TMPRSS11A: variants seen among roughly 807,000 people sequenced by gnomAD.
The protein encoded by TMPRSS11A is transmembrane serine protease 11A, also known as transmembrane protease serine 11A.
Under a neutral mutation model 58.9 loss-of-function variants are expected in TMPRSS11A, and 53 were observed. That is an observed-to-expected ratio of 0.90 (90% CI 0.72 to 1.13). TMPRSS11A has a LOEUF of 1.13. Ranked by LOEUF, TMPRSS11A falls within the 50% of genes most tolerant of loss-of-function variation. The pLI, the probability that TMPRSS11A is intolerant of heterozygous loss-of-function variation, is 0.00. For missense variants in TMPRSS11A, 493 were observed against 499.3 expected (o/e 0.99, Z 0.12); for synonymous variants, 167 against 169.8 (o/e 0.98, Z 0.13).
chr4:67,924,231 G>A (rs1487242131), intron 5 of TMPRSS11A, 65 bp from the exon 6 acceptor site: 2 of 1,346,044 alleles, frequency 1.5e-6, no homozygotes, highest in Admixed American at 3.4e-5. Context: ...CAATGACCAG[G>A]AATAATCAGA....
At chr4:67,957,283 G>C (rs757125267) in intron 1 of TMPRSS11A, among the ~76,000 whole-genome samples, 11 of 152,184 alleles carry the variant, frequency 7.2e-5, no homozygotes, top group Non-Finnish European at 1.3e-4. Flanking sequence ...GGAACAGTTT[G>C]GAGGGCTGAG....
Position 67,924,141 on chromosome 4 carries a change from T to C in TMPRSS11A, c.507A>G (p.Leu169=). 1 of 1,613,444 alleles carries C rather than the reference T, an allele frequency of 6.2e-7. No individual in the cohort carries two copies. Among genetic ancestry groups the C allele is most frequent in the Non-Finnish European group, 8.5e-7 (1 of 1,179,518 alleles). ...VNAMSSSTGE[L]TVQASCGKRV... ...AACTTGACTTACTTGCTTGGACAGT[T>C]AACTCCCCTGTTGATGAGCTCATTG... The change falls in exon 6 of 10, where the codon TTA becomes TTG. Residue 169 remains leucine, a synonymous_variant. Coordinates refer to ENST00000508048, the MANE Select transcript of TMPRSS11A (RefSeq NM_001114387.2).
At chr4:67,932,107 A>G in intron 3 of TMPRSS11A, 47 bp from the exon 4 acceptor site, 1 of 1,089,006 alleles carries the variant, frequency 9.2e-7, no homozygotes, top group Non-Finnish European at 1.4e-6. Context: ...TATATTTTAT[A>G]ATAGGAATAT....
In TMPRSS11A at chr4:67,914,727, T is replaced by A. The variant is rs764542319; in HGVS notation, c.956A>T (p.Glu319Val). 1.4e-5 allele frequency: 23 copies of A among 1,612,102 alleles called. No homozygotes were observed. The highest frequency in any genetic ancestry group is 1.9e-5 in the Non-Finnish European group (22 of 1,179,044). ...TGFGALYYGGESQNDLREARV... is the reference protein window; with the variant it reads ...TGFGALYYGGVSQNDLREARV... ...GGCTTCTCGGAGATCATTTTGGGAT[T>A]CCCCTTAAGGAAAAATAGAGTTATT... Residue 319 changes from glutamate (E) to valine (V), a missense_variant, in exon 9 of 10, where the codon GAA becomes GTA. Coordinates refer to ENST00000508048, the MANE Select transcript of TMPRSS11A (RefSeq NM_001114387.2).
chr4:67,913,787 A>G (rs1720068707), intron 9 of TMPRSS11A, among the ~76,000 whole-genome samples: 1 of 152,240 alleles, frequency 6.6e-6, no homozygotes, highest in Admixed American at 6.5e-5. Context: ...CACATGTGGT[A>G]CAGTTTGTGG....
chr4:67,946,475 AC>A lies in TMPRSS11A; in HGVS notation c.107del (p.Gly36ValfsTer7). 6.2e-7 allele frequency: 1 copy of A among 1,606,148 alleles called. No individual in the cohort carries two copies. The highest frequency in any genetic ancestry group is 8.5e-7 in the Non-Finnish European group (1 of 1,176,372). Reference protein sequence around the residue: ...LSLTVVAVTIGLLVHFLVFDQ... With the variant: ...LSLTVVAVTIXLLVHFLVFDQ... Reference sequence around the variant, plus strand: ...CAAATACTAGGAAGTGAACCAGGAGACCTATGGTCACTGCCACCACTGTCAG... The same window carrying A: ...CAAATACTAGGAAGTGAACCAGGAGACTATGGTCACTGCCACCACTGTCAG... On this transcript the variant is annotated frameshift_variant, in exon 2 of 10. Coordinates refer to ENST00000508048, the MANE Select transcript of TMPRSS11A (RefSeq NM_001114387.2). LOFTEE classifies it high-confidence loss of function.
At chr4:67,952,992 G>C (rs578020089) in intron 1 of TMPRSS11A, among the ~76,000 whole-genome samples, 45 of 152,246 alleles carry the variant, frequency 3.0e-4, no homozygotes, top group African/African-American at 9.6e-4. Context: ...ACAGGGGTAG[G>C]GGGGGTGGTT....
At chr4:67,949,934 A>G (rs1032523491) in intron 1 of TMPRSS11A, among the ~76,000 whole-genome samples, 2 of 152,234 alleles carry the variant, frequency 1.3e-5, no homozygotes, top group Admixed American at 6.5e-5. Flanking sequence ...TATTTGAAAA[A>G]GAAATACACT....
intron 1 of TMPRSS11A, among the ~76,000 whole-genome samples, chr4:67,961,457 C>G (rs1485328229): frequency 7.5e-6 from 1 of 133,188 alleles, no homozygotes; most frequent in Non-Finnish European, 1.6e-5. Context: ...CCTTTCTTTT[C>G]TTTTCTTTCC....
At chr4:67,924,990 T>G (rs1409793422) in intron 5 of TMPRSS11A, among the ~76,000 whole-genome samples, 5 of 137,664 alleles carry the variant, frequency 3.6e-5, no homozygotes, top group Non-Finnish European at 8.0e-5. Context: ...TTTTTTTTTT[T>G]GGTTAAAGGG....
chr4:67,923,979 GA>G (rs912219514), intron 6 of TMPRSS11A, 148 bp downstream of exon 6: 61 of 761,782 alleles, frequency 8.0e-5, no homozygotes, highest in African/African-American at 5.3e-4. Flanking sequence ...CCATGAGTTA[GA>G]AAAAAAATGT....
chr4:67,944,751 AG>A (rs1720962013), intron 2 of TMPRSS11A, 114 bp from the exon 3 acceptor site: 2 of 794,102 alleles, frequency 2.5e-6, no homozygotes, highest in Non-Finnish European at 3.9e-6. Context: ...TTCATAATTG[AG>A]TTTTATTTAA....
intron 4 of TMPRSS11A, among the ~76,000 whole-genome samples, chr4:67,930,858 C>G (rs892367266): frequency 1.5e-4 from 15 of 103,006 alleles, no homozygotes; most frequent in Admixed American, 8.3e-4. Flanking sequence ...GTGAAAAACT[C>G]TAGAGGCCCA....
chr4:67,934,412 A>G (rs995636050), intron 3 of TMPRSS11A, among the ~76,000 whole-genome samples: 5 of 152,184 alleles, frequency 3.3e-5, no homozygotes, highest in African/African-American at 1.2e-4. Context: ...TCTTTTTGCC[A>G]ACGTTCTGGC....
In TMPRSS11A at chr4:67,910,637, C is replaced by G. The variant is rs892971372; in HGVS notation, c.*705G>C. ...TTGATTAACTAATCACTCTATCTAT[C>G]TATATATAATTCATTAATCGGGATT... On this transcript the variant is annotated 3_prime_UTR_variant, in exon 10 of 10. Transcript: ENST00000508048. The G allele has an allele frequency of 2.6e-5, 4 of 151,820 alleles. No individual in the cohort carries two copies. Among genetic ancestry groups the G allele is most frequent in the African/African-American group, 9.7e-5 (4 of 41,370 alleles). The allele number at this position is 151,820 out of a possible 1,614,324, so 9.4% of individuals were successfully genotyped here. A position where few individuals can be genotyped will look rare whatever the true frequency, so the allele number is the denominator to read the frequency against.
intron 1 of TMPRSS11A, among the ~76,000 whole-genome samples, chr4:67,955,412 T>G (rs889178446): frequency 6.6e-6 from 1 of 152,194 alleles, no homozygotes; most frequent in Non-Finnish European, 1.5e-5. Context: ...CTAGGTACAG[T>G]ATCACCTATT....
intron 9 of TMPRSS11A, among the ~76,000 whole-genome samples, 185 bp from the exon 10 acceptor site, chr4:67,911,688 T>C (rs939913198): frequency 6.6e-6 from 1 of 152,094 alleles, no homozygotes; most frequent in Non-Finnish European, 1.5e-5. Flanking sequence ...ACTTTCACAT[T>C]TAAAAAATAA....
At position 67,924,115 on chromosome 4, in the gene TMPRSS11A, T is replaced by C. The variant is rs369884437; in HGVS notation, c.520+13A>G. ...GAAAATTGAACTTGTTTATATAAGC[T>C]AACTTGACTTACTTGCTTGGACAGT... On this transcript the variant is annotated intron_variant, in intron 6 of 9. Coordinates refer to ENST00000508048, the MANE Select transcript of TMPRSS11A (RefSeq NM_001114387.2). 30 of 1,611,210 alleles carry C rather than the reference T, an allele frequency of 1.9e-5. No homozygotes were observed. In the African/African-American group the frequency reaches 3.9e-4, roughly 21 times the overall value.
chr4:67,959,331 G>T (rs1721368393), intron 1 of TMPRSS11A, among the ~76,000 whole-genome samples: 1 of 151,996 alleles, frequency 6.6e-6, no homozygotes, highest in African/African-American at 2.4e-5. Context: ...AAAAGCAATT[G>T]CAACAAAACA....
Sources: allele counts gnomAD v4.1 joint callset (sites outside exome capture counted in the v4.1 genomes callset), GRCh38; gene constraint gnomAD v4.1.1; transcripts MANE v1.5; gene names NCBI Gene and HGNC (gene_info 2026-07-23, HGNC 2026-07-21).